SLX9: variants seen among roughly 807,000 people sequenced by gnomAD.
SLX9 encodes SLX9 ribosome biogenesis factor.
A neutral mutation model predicts 20.8 loss-of-function variants in SLX9; 19 were observed. The ratio of observed to expected loss-of-function variants is 0.91; its 90% CI spans 0.64 to 1.34. SLX9 has a LOEUF of 1.34. Among genes scored for constraint, SLX9 ranks in the 40% most tolerant of loss-of-function variants. The probability of loss-of-function intolerance (pLI) is 0.00; values close to 1 mark genes in which losing one functional copy is unlikely to be tolerated. For synonymous variants in SLX9, 113 were observed against 137.1 expected (o/e 0.82, Z 1.23); for missense variants, 299 against 322.2 (o/e 0.93, Z 0.55).
chr21:44,957,298 C>T (rs755680052), intron 2 of SLX9, among the ~76,000 whole-genome samples: 159 of 152,200 alleles, frequency 1.0e-3, no homozygotes, highest in Non-Finnish European at 4.1e-4. Flanking sequence ...GCCCTTGAGT[C>T]CTCCTCAGAG....
chr21:44,960,191 A>C, intron 3 of SLX9, 23 bp downstream of exon 3: 1 of 1,612,864 alleles, frequency 6.2e-7, no homozygotes, highest in Non-Finnish European at 8.5e-7. Flanking sequence ...CTGCGTCTTG[A>C]GGCAGCTGCC....
intron 5 of SLX9, among the ~76,000 whole-genome samples, chr21:44,973,804 G>A (rs1381528697): frequency 4.6e-5 from 7 of 152,112 alleles, no homozygotes; most frequent in East Asian, 1.9e-4. Flanking sequence ...ACGCTGCTCC[G>A]CTGGCTCCTG....
At chr21:44,960,406 TG>T (rs2084932363) in intron 3 of SLX9, among the ~76,000 whole-genome samples, 1 of 152,252 alleles carries the variant, frequency 6.6e-6, no homozygotes, top group Non-Finnish European at 1.5e-5. Context: ...CTGTTGTGGA[TG>T]GCACTGCCAC....
Position 44,967,115 on chromosome 21 carries a change from A to AC in SLX9, c.437dup (p.Leu147SerfsTer113). The AC allele has an allele frequency of 6.2e-7, 1 of 1,610,484 alleles. No homozygotes were observed. Among genetic ancestry groups the AC allele is most frequent in the Non-Finnish European group, 8.5e-7 (1 of 1,179,078 alleles). ...GCCACGGTGGTGGTGGGGGACCTGC[A>AC]CCCTCTCAGGGATGCCCTGCCCGAG... On this transcript the variant is annotated frameshift_variant, in exon 4 of 6. Coordinates refer to ENST00000291634, the MANE Select transcript of SLX9 (RefSeq NM_058190.4). LOFTEE classifies it high-confidence loss of function.
At chr21:44,941,445 GC>G (rs1411241965) in intron 1 of SLX9, among the ~76,000 whole-genome samples, 1 of 151,438 alleles carries the variant, frequency 6.6e-6, no homozygotes, top group Non-Finnish European at 1.5e-5. Context: ...CCTCTGATGT[GC>G]CCCCTTGGTT....
At position 44,943,617 on chromosome 21, in the gene SLX9, G is replaced by A. The variant is rs150661653; in HGVS notation, c.130-67G>A. On this transcript the variant is annotated intron_variant, in intron 1 of 5. Coordinates refer to ENST00000291634, the MANE Select transcript of SLX9 (RefSeq NM_058190.4). ...CTTGCATCTTCTCCTCACCTTTAAC[G>A]TCCCTCTGAAACCACAGAGCAAGTC... 187 of 1,586,294 alleles carry A rather than the reference G, an allele frequency of 1.2e-4. No homozygotes were observed. The East Asian group carries it at 2.9e-3, about 25-fold the overall frequency.
rs146252951 is a variant in SLX9, at chr21:44,942,138, A to G, written c.130-1546A>G. Among the ~76,000 whole-genome samples the G allele has an allele frequency of 9.8e-3, 1,498 of 152,346 alleles. 9 individuals are homozygous for G. The highest frequency in any genetic ancestry group is 0.014 in the Non-Finnish European group (927 of 68,032). ...CATTAATGAGATATAAAGTGCTACC[A>G]TGGAGAATGTCCCAGGTACAGTGGG... On this transcript the variant is annotated intron_variant, in intron 1 of 5. Transcript: ENST00000291634.
At chr21:44,946,718 G>A (rs543405057) in intron 2 of SLX9, among the ~76,000 whole-genome samples, 4 of 152,378 alleles carry the variant, frequency 2.6e-5, no homozygotes, top group Admixed American at 1.3e-4. Flanking sequence ...GAGGCCTCTG[G>A]CCAGCCGTCT....
Position 44,945,764 on chromosome 21 carries a change from G to A in SLX9, c.283+1927G>A, listed in dbSNP as rs9982930. ...TCTTGCTCTGTCGCCAGGGTGGAGTGCAGTGGCTTGATCTTGGCTCACTGC... is the reference window on the plus strand; with the variant it reads ...TCTTGCTCTGTCGCCAGGGTGGAGTACAGTGGCTTGATCTTGGCTCACTGC... On this transcript the variant is annotated intron_variant, in intron 2 of 5. Transcript: ENST00000291634. 1.1e-3 allele frequency among the ~76,000 whole-genome samples: 168 copies of A among 152,356 alleles called. 2 individuals carry two copies. Among genetic ancestry groups the A allele is most frequent in the African/African-American group, 3.8e-3 (156 of 41,582 alleles).
chr21:44,942,840 G>C (rs2084573113), intron 1 of SLX9, among the ~76,000 whole-genome samples: 1 of 152,120 alleles, frequency 6.6e-6, no homozygotes, highest in African/African-American at 2.4e-5. Context: ...AGTGCTCTTG[G>C]CTCCTCTGAT....
chr21:44,941,952 C>G (rs2084558507), intron 1 of SLX9, among the ~76,000 whole-genome samples: 3 of 152,224 alleles, frequency 2.0e-5, no homozygotes, highest in Non-Finnish European at 4.4e-5. Context: ...GCCTACCGCT[C>G]CTGGGCAAGA....
At chr21:44,948,168 G>A (rs375903490) in intron 2 of SLX9, among the ~76,000 whole-genome samples, 29 of 152,262 alleles carry the variant, frequency 1.9e-4, no homozygotes, top group African/African-American at 4.3e-4. Flanking sequence ...ATGCAGCATC[G>A]GGCGATCGGG....
intron 2 of SLX9, among the ~76,000 whole-genome samples, chr21:44,948,659 G>A (rs2084695269): frequency 6.6e-6 from 1 of 152,222 alleles, no homozygotes; most frequent in African/African-American, 2.4e-5. Context: ...CTCACAGCAT[G>A]GTGGACGGCT....
intron 2 of SLX9, among the ~76,000 whole-genome samples, chr21:44,946,929 C>A (rs572632980): frequency 9.9e-5 from 15 of 152,206 alleles, no homozygotes; most frequent in Admixed American, 3.9e-4. Flanking sequence ...CCCACAGACC[C>A]TCATGGGTGG....
At chr21:44,963,638 G>T (rs1231015658) in intron 3 of SLX9, among the ~76,000 whole-genome samples, 1 of 151,808 alleles carries the variant, frequency 6.6e-6, no homozygotes, top group Non-Finnish European at 1.5e-5. Context: ...TGGATATTCA[G>T]CTGTTCCAGC....
chr21:44,954,761 C>CG (rs1159238121), intron 2 of SLX9, among the ~76,000 whole-genome samples: 1 of 152,140 alleles, frequency 6.6e-6, no homozygotes, highest in Non-Finnish European at 1.5e-5. Flanking sequence ...CAAACCTCGG[C>CG]GGGGGGTGTC....
At chr21:44,950,466 C>T (rs1329108782) in intron 2 of SLX9, among the ~76,000 whole-genome samples, 4 of 152,230 alleles carry the variant, frequency 2.6e-5, no homozygotes, top group Admixed American at 2.0e-4. Flanking sequence ...CTGCGTGGTG[C>T]GGCGGCTGGG....
intron 2 of SLX9, among the ~76,000 whole-genome samples, chr21:44,946,526 C>T (rs180673904): frequency 3.3e-4 from 51 of 152,322 alleles, no homozygotes; most frequent in Admixed American, 7.2e-4. Context: ...GGCCAGGAGC[C>T]GGTGGCTTTG....
chr21:44,955,542 G>A (rs906769011), intron 2 of SLX9, among the ~76,000 whole-genome samples: 3 of 152,144 alleles, frequency 2.0e-5, no homozygotes, highest in African/African-American at 7.2e-5. Flanking sequence ...GTGAGTCAGT[G>A]TCTTGCTCTG....
Sources: gnomAD v4.1 joint callset for allele counts (sites outside exome capture counted in the v4.1 genomes callset) on GRCh38, gnomAD v4.1.1 for gene constraint, MANE v1.5 for transcripts, NCBI Gene and HGNC (gene_info 2026-07-23, HGNC 2026-07-21) for gene names.